The following ATAD2B variants were observed in gnomAD, a reference collection of about 807,000 sequenced individuals.
ATAD2B encodes ATPase family AAA domain containing 2B, also known as ATPase family AAA domain-containing protein 2B.
ATAD2B carries 40 observed loss-of-function variants against 167.6 expected under a neutral mutation model. That is an observed-to-expected ratio of 0.24 (90% CI 0.19 to 0.31). The LOEUF is 0.31. ATAD2B is among the 10% of genes least tolerant of loss of function. The pLI, the probability that ATAD2B is intolerant of heterozygous loss-of-function variation, is 1.00. For missense variants in ATAD2B, 1,242 were observed against 1,757.2 expected (o/e 0.71, Z 5.24); for synonymous variants, 579 against 596.5 (o/e 0.97, Z 0.43).
chr2:23,880,735 C>G lies in ATAD2B; in HGVS notation c.805G>C (p.Asp269His). ...EEEESQEEDGDIEVEEAEGEE... is the reference protein window; with the variant it reads ...EEEESQEEDGHIEVEEAEGEE... ...CCTTCTGCCTCTTCAACTTCTATATCTCCATCCTCCTCTTGAGATTCTAGT... is the reference window on the plus strand; with the variant it reads ...CCTTCTGCCTCTTCAACTTCTATATGTCCATCCTCCTCTTGAGATTCTAGT... Residue 269 changes from aspartate to histidine, a missense_variant, in exon 7 of 28, where the codon GAT becomes CAT. This residue lies in a region of ATAD2B where 99 missense variants were observed against 160.4 expected (regional missense o/e 0.62). Transcript: ENST00000238789. 6.3e-7 allele frequency: 1 copy of G among 1,598,824 alleles called. No individual in the cohort carries two copies. Among genetic ancestry groups the G allele is most frequent in the Non-Finnish European group, 8.6e-7 (1 of 1,169,248 alleles).
chr2:23,693,153 C>T, the ATAD2B span: 5 of 1,125,738 alleles, frequency 4.4e-6, no homozygotes, highest in African/African-American at 1.6e-4. Context: ...CTGGACACTG[C>T]AGTCAGGGTC....
intron 18 of ATAD2B, among the ~76,000 whole-genome samples, chr2:23,807,828 A>C (rs7567319): frequency 3.4e-5 from 4 of 119,042 alleles, no homozygotes; most frequent in Non-Finnish European, 6.5e-5. Flanking sequence ...AAAAAAAAAA[A>C]ATATATATAT....
At chr2:23,909,848 T>C (rs886775015) in intron 1 of ATAD2B, among the ~76,000 whole-genome samples, 3 of 151,954 alleles carry the variant, frequency 2.0e-5, no homozygotes, top group Non-Finnish European at 4.4e-5. Context: ...AAGTTTGGGT[T>C]GTTTTTTTTT....
intron 15 of ATAD2B, among the ~76,000 whole-genome samples, chr2:23,824,694 A>G (rs1228088381): frequency 1.3e-5 from 2 of 152,228 alleles, no homozygotes; most frequent in East Asian, 3.8e-4. Flanking sequence ...ATACAATCAA[A>G]CAACAGATCA....
chr2:23,797,191 A>C (rs1051181793), intron 19 of ATAD2B, among the ~76,000 whole-genome samples: 2 of 152,142 alleles, frequency 1.3e-5, no homozygotes, highest in Admixed American at 6.5e-5. Flanking sequence ...CACTTAAAAC[A>C]TGTAAATCTT....
chr2:23,792,013 T>A (rs72780198), intron 19 of ATAD2B, among the ~76,000 whole-genome samples: 18,300 of 152,140 alleles, frequency 0.12, 1,176 homozygotes, highest in Middle Eastern at 0.22. Context: ...GTTCTCCTTT[T>A]TCCACATCCT....
intron 2 of ATAD2B, among the ~76,000 whole-genome samples, chr2:23,894,245 G>A (rs559855319): frequency 6.6e-6 from 1 of 152,104 alleles, no homozygotes; most frequent in African/African-American, 2.4e-5. Flanking sequence ...ACTTTGGGAG[G>A]TCGAGGCGGG....
the ATAD2B span, among the ~76,000 whole-genome samples, chr2:23,734,553 A>C: frequency 6.6e-6 from 1 of 152,332 alleles, no homozygotes; most frequent in South Asian, 2.1e-4. Context: ...CAGGAAACTT[A>C]CAAACATGGC....
rs925314071 is a variant in ATAD2B, at chr2:23,750,657, C to G, written c.*1389G>C. 10 of 152,092 alleles carry G rather than the reference C, an allele frequency of 6.6e-5. No homozygotes were observed. Among genetic ancestry groups the G allele is most frequent in the African/African-American group, 1.7e-4 (7 of 41,434 alleles). The allele number at this position is 152,092 out of a possible 1,614,324, so 9.4% of individuals were successfully genotyped here. ...TAACGGCTACAATGAATGAAGATAC[C>G]AAGCCAACTTGCTGGCAAAATTTTC... is the stretch of plus-strand genomic sequence containing the variant. On this transcript the variant is annotated 3_prime_UTR_variant, in exon 28 of 28. Transcript: ENST00000238789.
chr2:23,736,076 T>G, the ATAD2B span, among the ~76,000 whole-genome samples: 3 of 152,198 alleles, frequency 2.0e-5, no homozygotes, highest in African/African-American at 7.2e-5. Context: ...GAGGCTTCTA[T>G]TGTGATAATC....
At chr2:23,922,942 G>C (rs1354940010) in intron 1 of ATAD2B, among the ~76,000 whole-genome samples, 1 of 152,144 alleles carries the variant, frequency 6.6e-6, no homozygotes, top group African/African-American at 2.4e-5. Context: ...ATGGAAAACA[G>C]TATGAACGTT....
chr2:23,746,238 A>T (rs1051160372), downstream of ATAD2B, among the ~76,000 whole-genome samples: 1 of 152,196 alleles, frequency 6.6e-6, no homozygotes, highest in South Asian at 2.1e-4. Context: ...ATAGTGATTA[A>T]AAGCATCAAC....
intron 22 of ATAD2B, among the ~76,000 whole-genome samples, chr2:23,779,936 C>A (rs932719162): frequency 1.3e-5 from 2 of 152,046 alleles, no homozygotes; most frequent in African/African-American, 4.8e-5. Flanking sequence ...GTTCTACTTT[C>A]GCATATTTTT....
intron 8 of ATAD2B, among the ~76,000 whole-genome samples, chr2:23,873,663 C>T (rs1012018405): frequency 1.7e-4 from 26 of 152,126 alleles, no homozygotes; most frequent in East Asian, 1.4e-3. Context: ...CAAATATTTT[C>T]GAGGTGTGGT....
At chr2:23,908,042 G>A (rs1170748265) in intron 1 of ATAD2B, among the ~76,000 whole-genome samples, 3 of 152,054 alleles carry the variant, frequency 2.0e-5, no homozygotes, top group African/African-American at 7.3e-5. Context: ...AACCCTAGAA[G>A]AAAGCCTAGG....
the ATAD2B span, among the ~76,000 whole-genome samples, chr2:23,679,402 C>G: frequency 1.3e-5 from 2 of 152,190 alleles, no homozygotes; most frequent in African/African-American, 4.8e-5. Context: ...AGGCTTGTTC[C>G]TATGGTGGTG....
chr2:23,926,525 G>A (rs1704866108), intron 1 of ATAD2B, 30 bp downstream of exon 1: 12 of 1,534,108 alleles, frequency 7.8e-6, no homozygotes, highest in Non-Finnish European at 1.0e-5. Context: ...GCACTTCCGA[G>A]CCTCCGGACT....
chr2:23,802,250 C>A (rs558656843), intron 18 of ATAD2B, among the ~76,000 whole-genome samples: 5 of 152,058 alleles, frequency 3.3e-5, no homozygotes, highest in Admixed American at 1.3e-4. Context: ...AAGTTTAATT[C>A]TTTGTGCCAT....
At chr2:23,913,985 T>C (rs764517698) in intron 1 of ATAD2B, among the ~76,000 whole-genome samples, 2 of 151,946 alleles carry the variant, frequency 1.3e-5, no homozygotes, top group Non-Finnish European at 2.9e-5. Context: ...CACACCAGTA[T>C]GGACCAGGCA....
Sources: gnomAD v4.1 joint callset for allele counts (sites outside exome capture counted in the v4.1 genomes callset) on GRCh38, gnomAD v4.1.1 for gene constraint, gnomAD v4.1.1 regional missense constraint, MANE v1.5 for transcripts, NCBI Gene and HGNC (gene_info 2026-07-23, HGNC 2026-07-21) for gene names.